NACC2: variants seen among roughly 807,000 people sequenced by gnomAD.
The protein encoded by NACC2 is NACC family member 2, also known as nucleus accumbens-associated protein 2.
Under a neutral mutation model 25.1 loss-of-function variants are expected in NACC2, and 8 were observed. That is an observed-to-expected ratio of 0.32 (90% CI 0.19 to 0.57). The LOEUF (loss-of-function observed/expected upper bound fraction) is 0.57. Ranked by LOEUF, NACC2 falls within the 20% of genes least tolerant of loss-of-function variation. The pLI is 0.89. For synonymous variants in NACC2, 435 were observed against 294.7 expected (o/e 1.48, Z -4.88); for missense variants, 644 against 650.2 (o/e 0.99, Z 0.10).
chr9:136,047,212 G>GGGACACGGA (rs1564229727), intron 2 of NACC2, among the ~76,000 whole-genome samples: 1 of 152,164 alleles, frequency 6.6e-6, no homozygotes, highest in African/African-American at 2.4e-5. Context: ...GGACGAGCCC[G>GGGACACGGA]GGACACGGAG....
intron 2 of NACC2, among the ~76,000 whole-genome samples, chr9:136,039,450 T>G (rs1840598005): frequency 6.6e-6 from 1 of 152,052 alleles, no homozygotes; most frequent in Non-Finnish European, 1.5e-5. Context: ...TTATATCAAC[T>G]CTTCGAAAAA....
intron 3 of NACC2, among the ~76,000 whole-genome samples, chr9:136,014,680 G>A (rs1321340455): frequency 6.6e-6 from 1 of 152,232 alleles, no homozygotes; most frequent in Non-Finnish European, 1.5e-5. Flanking sequence ...ATACCAGAGA[G>A]CCCTCAGGCA....
At chr9:136,088,492 C>G (rs1413656458) in intron 1 of NACC2, among the ~76,000 whole-genome samples, 1 of 152,166 alleles carries the variant, frequency 6.6e-6, no homozygotes, top group East Asian at 1.9e-4. Context: ...GGACGAGCCA[C>G]TGCGCATGGA....
At chr9:136,044,244 C>T (rs1420479721) in intron 2 of NACC2, among the ~76,000 whole-genome samples, 14 of 152,230 alleles carry the variant, frequency 9.2e-5, no homozygotes, top group Middle Eastern at 3.4e-3. Flanking sequence ...TGGTCCAGTG[C>T]GGTGCTCCCA....
chr9:136,089,917 C>T lies in NACC2; in HGVS notation c.-60+5272G>A, dbSNP rs561174651. Among the ~76,000 whole-genome samples the T allele has an allele frequency of 4.0e-5, 6 of 151,592 alleles. No homozygotes were observed. In the South Asian group the frequency reaches 8.3e-4, roughly 21 times the overall value. On this transcript the variant is annotated intron_variant, in intron 1 of 5. Transcript: ENST00000277554. ...AAAGGGTTTCAAAAGTTGTGTGATA[C>T]GGATTTCATTAACATTTTAATTGTA... is the stretch of plus-strand genomic sequence containing the variant.
chr9:136,087,174 C>A (rs946074213), intron 1 of NACC2, among the ~76,000 whole-genome samples: 1 of 152,146 alleles, frequency 6.6e-6, no homozygotes, highest in Non-Finnish European at 1.5e-5. Flanking sequence ...AGCTGGAGGG[C>A]GGCATGTGAC....
intron 1 of NACC2, among the ~76,000 whole-genome samples, chr9:136,085,380 G>A (rs1052231559): frequency 6.6e-6 from 1 of 151,524 alleles, no homozygotes; most frequent in African/African-American, 2.4e-5. Context: ...TCAGCCATGT[G>A]TGGGGATCCA....
rs1830202273 is a variant in NACC2, at chr9:136,072,387, A to G, written c.-59-21807T>C. 2.0e-5 allele frequency among the ~76,000 whole-genome samples: 3 copies of G among 152,140 alleles called. No individual in the cohort carries two copies. In the South Asian group the frequency reaches 6.2e-4, roughly 32 times the overall value. On this transcript the variant is annotated intron_variant, in intron 1 of 5. Coordinates refer to ENST00000277554, the MANE Select transcript of NACC2 (RefSeq NM_144653.5). The stretch of plus-strand genomic sequence containing the variant: ...ACAGTGAAATCCTGTCGCTAATGAA[A>G]ATACAAAATTAGCCGGGCGTGCTGG...
At chr9:136,035,044 A>G (rs1046369007) in intron 2 of NACC2, among the ~76,000 whole-genome samples, 2 of 152,284 alleles carry the variant, frequency 1.3e-5, no homozygotes, top group African/African-American at 2.4e-5. Context: ...CAGTGAGCTG[A>G]TATCACGCCA....
At chr9:136,081,868 C>T (rs1334398621) in intron 1 of NACC2, among the ~76,000 whole-genome samples, 1 of 152,052 alleles carries the variant, frequency 6.6e-6, no homozygotes, top group African/African-American at 2.4e-5. Flanking sequence ...CCCACCCCCG[C>T]CCACCGGACC....
At chr9:136,012,652 G>GTTTTTTTTTTTTTT (rs540279008) in intron 5 of NACC2, among the ~76,000 whole-genome samples, 1 of 133,134 alleles carries the variant, frequency 7.5e-6, no homozygotes, top group Non-Finnish European at 1.6e-5. Context: ...GCCTCACAAG[G>GTTTTTTTTTTTTTT]TTTTTTTTTT....
chr9:136,024,428 AGTGT>A (rs1160185523), intron 2 of NACC2, among the ~76,000 whole-genome samples: 2 of 116,764 alleles, frequency 1.7e-5, no homozygotes, highest in African/African-American at 3.4e-5. Context: ...GTGAGGACAG[AGTGT>A]GTGTGTGTGA....
At chr9:136,083,962 C>T (rs1830352557) in intron 1 of NACC2, among the ~76,000 whole-genome samples, 1 of 152,146 alleles carries the variant, frequency 6.6e-6, no homozygotes, top group Admixed American at 6.5e-5. Context: ...CTCTCCGCCT[C>T]ACCCCAACTT....
intron 1 of NACC2, among the ~76,000 whole-genome samples, chr9:136,054,735 A>G (rs1344445824): frequency 6.7e-6 from 1 of 149,568 alleles, no homozygotes; most frequent in Non-Finnish European, 1.5e-5. Context: ...AACACCTCCT[A>G]TTGTTTCCCC....
chr9:136,036,562 C>T (rs1840557833), intron 2 of NACC2, among the ~76,000 whole-genome samples: 1 of 151,990 alleles, frequency 6.6e-6, no homozygotes, highest in African/African-American at 2.4e-5. Flanking sequence ...CATATATATA[C>T]ACACGTATAT....
chr9:136,011,699 G>A lies in NACC2; in HGVS notation c.1581C>T (p.Asp527=), dbSNP rs79175912. ...DLSAAANPAF[D]AGEEVDGAGS... Reference sequence around the variant, plus strand: ...CAGCCCCGTCCACCTCCTCGCCGGCGTCGAAGGCGGGGTTGGCGGCGGCAC... The same window carrying A: ...CAGCCCCGTCCACCTCCTCGCCGGCATCGAAGGCGGGGTTGGCGGCGGCAC... Residue 527 remains aspartate, a synonymous_variant, in exon 6 of 6, where the codon GAC becomes GAT. Transcript: ENST00000277554. 0.011 allele frequency: 15,890 copies of A among 1,491,434 alleles called. 119 individuals are homozygous for A. Among genetic ancestry groups the A allele is most frequent in the Non-Finnish European group, 0.013 (14,541 of 1,123,586 alleles). The allele number at this position is 1,491,434 out of a possible 1,614,324, so 92.4% of individuals were successfully genotyped here. A position where few individuals can be genotyped will look rare whatever the true frequency, so the allele number is the denominator to read the frequency against.
rs1238175037 is a variant in NACC2, at chr9:136,055,997, T to A, written c.-59-5417A>T. The stretch of plus-strand genomic sequence containing the variant: ...TCTGGGGGCTGCTACCCCGTGGACC[T>A]TGCCCACCTCCGCGCAACGCCTTCC... On this transcript the variant is annotated intron_variant, in intron 1 of 5. Coordinates refer to ENST00000277554, the MANE Select transcript of NACC2 (RefSeq NM_144653.5). This position sits in a 1 kb window ranked among gnomAD's most constrained non-coding sequence, Gnocchi z 4.9. Among the ~76,000 whole-genome samples, 1 of 152,180 alleles carries A rather than the reference T, an allele frequency of 6.6e-6. No homozygotes were observed. Among genetic ancestry groups the A allele is most frequent in the East Asian group, 1.9e-4 (1 of 5,180 alleles).
intron 1 of NACC2, among the ~76,000 whole-genome samples, chr9:136,091,961 C>T (rs1478047202): frequency 2.0e-5 from 3 of 152,226 alleles, no homozygotes; most frequent in Non-Finnish European, 4.4e-5. Context: ...CCGGCCCCCA[C>T]AGCCAAGGCC....
chr9:136,091,172 C>A (rs1210519892), intron 1 of NACC2, among the ~76,000 whole-genome samples: 1 of 152,214 alleles, frequency 6.6e-6, no homozygotes, highest in Non-Finnish European at 1.5e-5. Flanking sequence ...GGGTAGTGAG[C>A]CTTACATGGG....
Sources: allele counts gnomAD v4.1 joint callset (sites outside exome capture counted in the v4.1 genomes callset), GRCh38; gene constraint gnomAD v4.1.1; non-coding constraint Gnocchi (gnomAD v3.1); transcripts MANE v1.5; gene names NCBI Gene and HGNC (gene_info 2026-07-23, HGNC 2026-07-21).